PRR16: variants seen among roughly 807,000 people sequenced by gnomAD.
PRR16 encodes protein Largen.
A neutral mutation model predicts 18.2 loss-of-function variants in PRR16; 6 were observed. The observed-to-expected ratio is 0.33, with a 90% CI of 0.18 to 0.65. The LOEUF is 0.65. Ranked by LOEUF, PRR16 falls within the 30% of genes least tolerant of loss-of-function variation. The pLI, the probability that PRR16 is intolerant of heterozygous loss-of-function variation, is 0.74. For missense variants in PRR16, 412 were observed against 376.6 expected, an observed-to-expected ratio of 1.09 and a Z score of -0.78; for synonymous variants, 151 against 147.8, an observed-to-expected ratio of 1.02 and a Z score of -0.16.
At chr5:120,731,768 T>G in the PRR16 span, among the ~76,000 whole-genome samples, 1 of 152,200 alleles carries the variant, frequency 6.6e-6, no homozygotes, top group Non-Finnish European at 1.5e-5. Flanking sequence ...CCTTATACAT[T>G]AAATAGGACT....
chr5:120,717,097 AGTT>A, the PRR16 span, among the ~76,000 whole-genome samples: 1 of 135,446 alleles, frequency 7.4e-6, no homozygotes, highest in Non-Finnish European at 1.7e-5. Context: ...TTTGATGTTA[AGTT>A]GTTTTATTAT....
At chr5:120,697,979 G>A in the PRR16 span, among the ~76,000 whole-genome samples, 63 of 152,254 alleles carry the variant, frequency 4.1e-4, no homozygotes, top group East Asian at 0.011. Context: ...CCATCTGGGC[G>A]TATACGTGCA....
At chr5:120,510,966 T>C (rs1210838308) in intron 1 of PRR16, among the ~76,000 whole-genome samples, 1 of 152,166 alleles carries the variant, frequency 6.6e-6, no homozygotes, top group Non-Finnish European at 1.5e-5. Flanking sequence ...GACAATATTA[T>C]GTGATATGGT....
intron 1 of PRR16, among the ~76,000 whole-genome samples, chr5:120,540,645 A>T (rs1470678070): frequency 2.6e-5 from 4 of 151,978 alleles, no homozygotes; most frequent in South Asian, 4.2e-4. Flanking sequence ...CCTTCAAGAC[A>T]ATTTATTTAT....
At chr5:120,666,314 C>A (rs1001065996) in intron 1 of PRR16, among the ~76,000 whole-genome samples, 2 of 152,146 alleles carry the variant, frequency 1.3e-5, no homozygotes, top group African/African-American at 4.8e-5. Flanking sequence ...ATTTTGTATC[C>A]TGAGACTTTG....
chr5:120,584,380 G>A (rs565850078), intron 1 of PRR16, among the ~76,000 whole-genome samples: 28 of 152,220 alleles, frequency 1.8e-4, no homozygotes, highest in Non-Finnish European at 3.2e-4. Context: ...CATGTAGCAC[G>A]TAGTTGTATA....
chr5:120,752,687 T>C, the PRR16 span, among the ~76,000 whole-genome samples: 2 of 152,070 alleles, frequency 1.3e-5, no homozygotes, highest in Non-Finnish European at 2.9e-5. Context: ...CTTTTATATC[T>C]AGCTCAGAAG....
intron 1 of PRR16, among the ~76,000 whole-genome samples, chr5:120,681,132 T>C (rs1230766306): frequency 6.6e-6 from 1 of 152,174 alleles, no homozygotes; most frequent in East Asian, 1.9e-4. Context: ...ATTTACACTC[T>C]TGTAATTGCA....
intron 1 of PRR16, among the ~76,000 whole-genome samples, chr5:120,479,744 T>G (rs1309372988): frequency 6.6e-6 from 1 of 152,114 alleles, no homozygotes; most frequent in Non-Finnish European, 1.5e-5. Flanking sequence ...AATCAGGGAC[T>G]AGTGTTTGAA....
At chr5:120,655,764 A>C (rs893134830) in intron 1 of PRR16, among the ~76,000 whole-genome samples, 2 of 147,818 alleles carry the variant, frequency 1.4e-5, no homozygotes, top group African/African-American at 5.0e-5. Flanking sequence ...TGCAACCCAT[A>C]TTTTCAAATG....
the PRR16 span, chr5:120,790,454 T>C: frequency 6.6e-6 from 1 of 152,180 alleles, no homozygotes; most frequent in Non-Finnish European, 1.5e-5. Flanking sequence ...TTTCAAAATA[T>C]GTAGACAAAA....
At chr5:120,644,466 A>C (rs1755526434) in intron 1 of PRR16, among the ~76,000 whole-genome samples, 1 of 152,054 alleles carries the variant, frequency 6.6e-6, no homozygotes, top group Non-Finnish European at 1.5e-5. Context: ...TGGGATTTGG[A>C]AATATATTGG....
At chr5:120,761,237 AT>A in the PRR16 span, among the ~76,000 whole-genome samples, 1 of 151,902 alleles carries the variant, frequency 6.6e-6, no homozygotes, top group East Asian at 1.9e-4. Flanking sequence ...CTTCTAGTTT[AT>A]TTTTTGAGGA....
chr5:120,736,993 TGA>T, the PRR16 span, among the ~76,000 whole-genome samples: 14 of 152,178 alleles, frequency 9.2e-5, no homozygotes, highest in African/African-American at 1.9e-4. Context: ...TGTGTGTGTG[TGA>T]GAGAGATCTT....
rs575582828 is a variant in PRR16 at position 120,629,336 on chromosome 5, A to T, written c.160-56618A>T. On this transcript the variant is annotated intron_variant, in intron 1 of 1. Transcript: ENST00000407149. ...TAATTTTGAGTATATACTCAATAAT[A>T]TACTCAATAATGAGATTGCTGGGTG... Among the ~76,000 whole-genome samples, 3 of 152,260 alleles carry T rather than the reference A, an allele frequency of 2.0e-5. No homozygotes were observed. The South Asian group carries it at 6.2e-4, about 32-fold the overall frequency.
intron 1 of PRR16, among the ~76,000 whole-genome samples, chr5:120,601,033 T>C (rs932396172): frequency 6.6e-6 from 1 of 152,030 alleles, no homozygotes; most frequent in Non-Finnish European, 1.5e-5. Context: ...GCAATGAATA[T>C]ACAACTGCAT....
At chr5:120,764,070 G>A in the PRR16 span, among the ~76,000 whole-genome samples, 2 of 152,082 alleles carry the variant, frequency 1.3e-5, 1 homozygote, top group Non-Finnish European at 2.9e-5. Context: ...TTGTCTGATT[G>A]CTCTGGCTGG....
At chr5:120,518,563 TC>T (rs1361018132) in intron 1 of PRR16, among the ~76,000 whole-genome samples, 1 of 142,886 alleles carries the variant, frequency 7.0e-6, no homozygotes, top group Non-Finnish European at 1.5e-5. Flanking sequence ...CTCATTAAAA[TC>T]TTTTTTTTTT....
chr5:120,674,227 G>A (rs779032314), intron 1 of PRR16, among the ~76,000 whole-genome samples: 6 of 151,900 alleles, frequency 3.9e-5, no homozygotes, highest in Admixed American at 1.3e-4. Context: ...CCTGCATGCC[G>A]CTGTATATGC....
Sources: gnomAD v4.1 joint callset for allele counts (sites outside exome capture counted in the v4.1 genomes callset) on GRCh38, gnomAD v4.1.1 for gene constraint, MANE v1.5 for transcripts, NCBI Gene and HGNC (gene_info 2026-07-23, HGNC 2026-07-21) for gene names.